The following VOPP1 variants were observed in gnomAD, a reference collection of about 807,000 sequenced individuals.
The protein encoded by VOPP1 is WW domain binding protein VOPP1.
In VOPP1, 8 loss-of-function variants were observed where a neutral mutation model predicts 23.5. That is an observed-to-expected ratio of 0.34 (90% confidence interval 0.20 to 0.61). VOPP1 has a LOEUF of 0.61. Among genes scored for constraint, VOPP1 ranks in the 20% least tolerant of loss-of-function variants. The probability of loss-of-function intolerance (pLI) is 0.78; values close to 1 mark genes in which losing one functional copy is unlikely to be tolerated. For synonymous variants in VOPP1, 83 were observed against 97.3 expected (o/e 0.85, Z 0.86); for missense variants, 174 against 238.1 (o/e 0.73, Z 1.77).
At chr7:55,521,744 C>G in intron 1 of VOPP1, 1 of 986,320 alleles carries the variant, frequency 1.0e-6, no homozygotes, top group Middle Eastern at 5.2e-4. Flanking sequence ...CAGGGCAGGG[C>G]AGGGCAGGGC....
intron 2 of VOPP1, among the ~76,000 whole-genome samples, chr7:55,515,280 A>C (rs1047824281): frequency 1.3e-5 from 2 of 152,162 alleles, no homozygotes; most frequent in African/African-American, 4.8e-5. Context: ...GTGTCCATTC[A>C]GGCACCGAGG....
chr7:55,541,316 T>C (rs1797124180), intron 1 of VOPP1, among the ~76,000 whole-genome samples: 1 of 152,216 alleles, frequency 6.6e-6, no homozygotes, highest in South Asian at 2.1e-4. Context: ...TGGATACACA[T>C]TTCTCCAAGG....
intron 4 of VOPP1, among the ~76,000 whole-genome samples, chr7:55,474,420 T>G (rs1792079155): frequency 1.3e-5 from 2 of 152,232 alleles, no homozygotes; most frequent in Admixed American, 1.3e-4. Flanking sequence ...CAAGACATTA[T>G]GAAGGCTTCT....
At chr7:55,547,428 T>A (rs1384043567) in intron 1 of VOPP1, among the ~76,000 whole-genome samples, 4 of 152,324 alleles carry the variant, frequency 2.6e-5, no homozygotes, top group Middle Eastern at 3.4e-3. Flanking sequence ...AACAGTGACA[T>A]GTAAGTACAG....
chr7:55,561,858 G>A, intron 1 of VOPP1: 1 of 677,086 alleles, frequency 1.5e-6, no homozygotes, highest in Admixed American at 2.0e-5. Flanking sequence ...TCATACCCAA[G>A]TGGACAATGA....
chr7:55,527,790 G>A (rs1454331905), intron 1 of VOPP1, among the ~76,000 whole-genome samples: 2 of 152,172 alleles, frequency 1.3e-5, no homozygotes, highest in Non-Finnish European at 2.9e-5. Flanking sequence ...TGATAGATAT[G>A]AGAATTTTTC....
At chr7:55,506,525 C>T (rs528986883) in intron 2 of VOPP1, among the ~76,000 whole-genome samples, 5 of 151,270 alleles carry the variant, frequency 3.3e-5, no homozygotes, top group African/African-American at 1.2e-4. Context: ...TTGGTAGAGA[C>T]GGGGTTTCGC....
At position 55,561,806 on chromosome 7, in the gene VOPP1, T is replaced by C. The variant is rs553939867; in HGVS notation, c.54+10465A>G. The C allele has an allele frequency of 1.2e-5, 7 of 570,038 alleles. No homozygotes were observed. The South Asian group carries it at 1.5e-4, about 12-fold the overall frequency. 35.3% of individuals were successfully genotyped at this position (570,038 alleles called of 1,614,324 possible). On this transcript the variant is annotated intron_variant, in intron 1 of 4. Transcript: ENST00000285279. ...TATCTGAGCTCAGAGCACGTGGGAG[T>C]AGCTTGCCTAGGGAGTAGCTTGCCC...
At chr7:55,495,977 C>T (rs1793922525) in intron 3 of VOPP1, among the ~76,000 whole-genome samples, 1 of 152,216 alleles carries the variant, frequency 6.6e-6, no homozygotes, top group Non-Finnish European at 1.5e-5. Flanking sequence ...TCGTGTGCTG[C>T]CTCGCCAAGG....
chr7:55,566,740 C>G (rs189162801), intron 1 of VOPP1, among the ~76,000 whole-genome samples: 7 of 152,288 alleles, frequency 4.6e-5, no homozygotes, highest in African/African-American at 1.4e-4. Flanking sequence ...TGGCCTTTTT[C>G]TAGGACCAAT....
chr7:55,549,861 C>T (rs1797529946), intron 1 of VOPP1, among the ~76,000 whole-genome samples: 1 of 152,234 alleles, frequency 6.6e-6, no homozygotes, highest in Admixed American at 6.5e-5. Context: ...TGCCATTGCT[C>T]CCCTCCTCCA....
intron 4 of VOPP1, among the ~76,000 whole-genome samples, chr7:55,486,467 C>A (rs1012002471): frequency 6.6e-6 from 1 of 151,974 alleles, no homozygotes; most frequent in Non-Finnish European, 1.5e-5. Context: ...AGCACGGGGG[C>A]TGGAAAGAGA....
chr7:55,562,929 G>C (rs376650346), intron 1 of VOPP1, among the ~76,000 whole-genome samples: 4 of 152,080 alleles, frequency 2.6e-5, no homozygotes, highest in African/African-American at 9.7e-5. Flanking sequence ...ATTACTATGC[G>C]GTCTGGGCAC....
intron 1 of VOPP1, among the ~76,000 whole-genome samples, chr7:55,568,228 C>T (rs551961501): frequency 3.3e-5 from 5 of 151,932 alleles, no homozygotes; most frequent in African/African-American, 9.7e-5. Flanking sequence ...TACAGGCGCC[C>T]GCCACCACGC....
At chr7:55,551,954 C>T (rs1797624454) in intron 1 of VOPP1, among the ~76,000 whole-genome samples, 1 of 146,460 alleles carries the variant, frequency 6.8e-6, no homozygotes, top group Admixed American at 7.0e-5. Flanking sequence ...GCATGAGAAT[C>T]GCTTGAACCT....
intron 4 of VOPP1, among the ~76,000 whole-genome samples, chr7:55,490,477 C>T (rs150407367): frequency 0.012 from 1,771 of 152,298 alleles, 12 homozygotes; most frequent in Middle Eastern, 0.02. Flanking sequence ...CTCAGCACCT[C>T]ACCTACTCAC....
intron 1 of VOPP1, chr7:55,538,485 G>T (rs916321606): frequency 1.3e-6 from 1 of 749,278 alleles, no homozygotes; most frequent in Non-Finnish European, 2.1e-6. Context: ...TTCCTGCCAG[G>T]CTACACAAAC....
intron 1 of VOPP1, among the ~76,000 whole-genome samples, chr7:55,556,228 G>A (rs1797797893): frequency 6.6e-6 from 1 of 152,198 alleles, no homozygotes; most frequent in South Asian, 2.1e-4. Flanking sequence ...ACCTAGCAAG[G>A]CAGGAGGAGG....
intron 4 of VOPP1, among the ~76,000 whole-genome samples, chr7:55,442,511 C>G (rs938402641): frequency 2.6e-5 from 4 of 152,136 alleles, no homozygotes; most frequent in Admixed American, 2.6e-4. Context: ...TGACAAGGAT[C>G]TGAAGGAATA....
Sources: allele counts gnomAD v4.1 joint callset (sites outside exome capture counted in the v4.1 genomes callset), GRCh38; gene constraint gnomAD v4.1.1; transcripts MANE v1.5; gene names NCBI Gene and HGNC (gene_info 2026-07-23, HGNC 2026-07-21).